The following CPLX2 variants were observed in gnomAD, a reference collection of about 807,000 sequenced individuals.
CPLX2 encodes the protein complexin 2.
In CPLX2, 5 loss-of-function variants were observed where a neutral mutation model predicts 16.3. The observed-to-expected ratio is 0.31, with a 90% CI of 0.16 to 0.64. CPLX2 has a LOEUF of 0.64. Among genes scored for constraint, CPLX2 ranks in the 30% least tolerant of loss-of-function variants. The pLI is 0.79. For synonymous variants in CPLX2, 89 were observed against 73.2 expected, an observed-to-expected ratio of 1.22 and a Z score of -1.10; for missense variants, 144 against 181.4, an observed-to-expected ratio of 0.79 and a Z score of 1.18.
chr5:175,845,505 C>T lies in CPLX2; in HGVS notation c.-88-33147C>T, dbSNP rs1028771931. On this transcript the variant is annotated intron_variant, in intron 2 of 4. Coordinates refer to the CPLX2 transcript ENST00000359546. The surrounding 1 kb of genome is among the most constrained non-coding windows in gnomAD (Gnocchi z 4.0). The stretch of plus-strand genomic sequence containing the variant: ...TCCCATCAGGCAAAGGTCACTCCCC[C>T]TCATGAGGGCCACTCCCCCTAGAGT... 6.6e-6 allele frequency among the ~76,000 whole-genome samples: 1 copy of T among 152,248 alleles called. No individual in the cohort carries two copies. The highest frequency in any genetic ancestry group is 1.5e-5 in the Non-Finnish European group (1 of 68,038).
intron 2 of CPLX2, among the ~76,000 whole-genome samples, chr5:175,848,546 CAG>C (rs1006571309): frequency 1.9e-4 from 29 of 152,250 alleles, no homozygotes; most frequent in African/African-American, 6.7e-4. Context: ...TCAGAGGACT[CAG>C]GGGCTATTTC....
At chr5:175,816,849 C>T (rs1394320510) in intron 2 of CPLX2, among the ~76,000 whole-genome samples, 1 of 152,246 alleles carries the variant, frequency 6.6e-6, no homozygotes, top group African/African-American at 2.4e-5. Context: ...CCTGAGCTTT[C>T]CACCTTTCCT....
At chr5:175,822,105 A>G (rs1758521424) in intron 2 of CPLX2, among the ~76,000 whole-genome samples, 3 of 151,968 alleles carry the variant, frequency 2.0e-5, no homozygotes, top group Admixed American at 6.6e-5. Flanking sequence ...TCTTTCTTTC[A>G]CTTTATAGTT....
At chr5:175,813,324 A>C (rs1244514615) in intron 2 of CPLX2, among the ~76,000 whole-genome samples, 1 of 152,252 alleles carries the variant, frequency 6.6e-6, no homozygotes, top group Non-Finnish European at 1.5e-5. Flanking sequence ...GATAGGGCAG[A>C]AATCATGAAG....
intron 2 of CPLX2, among the ~76,000 whole-genome samples, chr5:175,822,685 G>A (rs1758535666): frequency 6.6e-6 from 1 of 152,194 alleles, no homozygotes; most frequent in Non-Finnish European, 1.5e-5. Flanking sequence ...TTGCAGAGTG[G>A]GAACACAGCC....
At position 175,855,912 on chromosome 5, in the gene CPLX2, G is replaced by C. The variant is rs557218483; in HGVS notation, c.-88-22740G>C. On this transcript the variant is annotated intron_variant, in intron 2 of 4. Transcript: ENST00000359546. ...GCTATACGGAAGAAAGGCTACCAGAGAAAATAGGACAACCTGCGTCTACCA... is the reference window on the plus strand; with the variant it reads ...GCTATACGGAAGAAAGGCTACCAGACAAAATAGGACAACCTGCGTCTACCA... Among the ~76,000 whole-genome samples, 3 of 152,268 alleles carry C rather than the reference G, an allele frequency of 2.0e-5. No individual in the cohort carries two copies. In the East Asian group the frequency reaches 5.8e-4, roughly 29 times the overall value.
At chr5:175,813,271 T>C (rs765966602) in intron 2 of CPLX2, among the ~76,000 whole-genome samples, 2 of 152,240 alleles carry the variant, frequency 1.3e-5, no homozygotes, top group Non-Finnish European at 2.9e-5. Flanking sequence ...ATTGTGATCT[T>C]TTTAAAAAGG....
At chr5:175,802,376 T>C (rs1398009454) in intron 1 of CPLX2, among the ~76,000 whole-genome samples, 2 of 152,156 alleles carry the variant, frequency 1.3e-5, no homozygotes, top group African/African-American at 4.8e-5. Context: ...AAGTTAATCT[T>C]GGTAAAGTGC....
chr5:175,810,385 G>A (rs1044137089), intron 2 of CPLX2, among the ~76,000 whole-genome samples: 7 of 152,110 alleles, frequency 4.6e-5, no homozygotes, highest in African/African-American at 1.7e-4. Flanking sequence ...CCTTCTTCAG[G>A]TTTTGTCTCC....
rs1193078405 is a variant in CPLX2 at position 175,871,672 on chromosome 5, C to T, written c.-122C>T. The T allele has an allele frequency of 6.6e-6, 1 of 152,280 alleles. No homozygotes were observed. Among genetic ancestry groups the T allele is most frequent in the African/African-American group, 2.4e-5 (1 of 41,464 alleles). 9.4% of individuals were successfully genotyped at this position (152,280 alleles called of 1,614,324 possible). ...CACCTCGTGGAGTCGGGCCGGAGCC[C>T]TGCAGTGGCTCAGACGGTTGCAGGG... On this transcript the variant is annotated 5_prime_UTR_variant, in exon 1 of 4. Coordinates refer to ENST00000393745, the MANE Select transcript of CPLX2 (RefSeq NM_001008220.2).
chr5:175,844,822 A>G (rs1759012125), intron 2 of CPLX2, among the ~76,000 whole-genome samples: 1 of 152,250 alleles, frequency 6.6e-6, no homozygotes, highest in African/African-American at 2.4e-5. Context: ...ATGATGTAGG[A>G]CATTGTGAGG....
At chr5:175,857,561 A>G (rs1342079625) in intron 2 of CPLX2, among the ~76,000 whole-genome samples, 2 of 152,212 alleles carry the variant, frequency 1.3e-5, no homozygotes, top group Non-Finnish European at 2.9e-5. Context: ...AGTTGTGCAA[A>G]GTCAACTACC....
At chr5:175,852,755 C>T (rs1759182037) in intron 2 of CPLX2, among the ~76,000 whole-genome samples, 1 of 152,112 alleles carries the variant, frequency 6.6e-6, no homozygotes, top group Non-Finnish European at 1.5e-5. Flanking sequence ...GGCCAAGGAC[C>T]AGCTAGGTGG....
intron 2 of CPLX2, among the ~76,000 whole-genome samples, chr5:175,831,076 C>T (rs1014888212): frequency 6.6e-6 from 1 of 151,534 alleles, no homozygotes; most frequent in Non-Finnish European, 1.5e-5. Context: ...CTGTGAAAGC[C>T]AGTGTGCTGA....
chr5:175,815,817 G>A lies in CPLX2; in HGVS notation c.-89+6749G>A, dbSNP rs184836587. 2.1e-3 allele frequency among the ~76,000 whole-genome samples: 318 copies of A among 152,288 alleles called. 1 individual carries two copies. The highest frequency in any genetic ancestry group is 7.3e-3 in the African/African-American group (305 of 41,562). On this transcript the variant is annotated intron_variant, in intron 2 of 4. Coordinates refer to the CPLX2 transcript ENST00000359546. ...CATTGACCCTCTGTGTTACTTGGAG[G>A]CACACAAGTTCGTTTGTTTTTGTCT...
chr5:175,825,610 TC>T (rs1758597903), intron 2 of CPLX2, among the ~76,000 whole-genome samples: 1 of 152,112 alleles, frequency 6.6e-6, no homozygotes, highest in Admixed American at 6.5e-5. Flanking sequence ...GGGACTGTTT[TC>T]CTCTGGTCCA....
chr5:175,811,683 A>T (rs922510229), intron 2 of CPLX2, among the ~76,000 whole-genome samples: 1 of 151,874 alleles, frequency 6.6e-6, no homozygotes, highest in Non-Finnish European at 1.5e-5. Flanking sequence ...GGCTGGTCTC[A>T]TAGCACAGGG....
intron 1 of CPLX2, among the ~76,000 whole-genome samples, chr5:175,877,345 G>A (rs563081509): frequency 3.3e-5 from 5 of 151,406 alleles, no homozygotes; most frequent in South Asian, 2.1e-4. Flanking sequence ...TCAGTCTACC[G>A]ATATGACTTC....
chr5:175,871,410 G>GGAGAGAGAGA (rs72487413), upstream of CPLX2: 2 of 28,692 alleles, frequency 7.0e-5, no homozygotes. Flanking sequence ...AAGAGAGAGA[G>GGAGAGAGAGA]GAGAGAGAGA....
Sources: gnomAD v4.1 joint callset for allele counts (sites outside exome capture counted in the v4.1 genomes callset) on GRCh38, gnomAD v4.1.1 for gene constraint, Gnocchi (gnomAD v3.1) non-coding constraint, MANE v1.5 for transcripts, NCBI Gene and HGNC (gene_info 2026-07-23, HGNC 2026-07-21) for gene names.